Variants in SLC1A2 observed in about 807,000 individuals in gnomAD.
SLC1A2 encodes solute carrier family 1 member 2.
In SLC1A2, 15 loss-of-function variants were observed where a neutral mutation model predicts 48.8. That is an observed-to-expected ratio of 0.31 (90% CI 0.21 to 0.47). The LOEUF (loss-of-function observed/expected upper bound fraction) is 0.47. Among genes scored for constraint, SLC1A2 ranks in the 20% least tolerant of loss-of-function variants. The pLI is 0.99. For missense variants in SLC1A2, 502 were observed against 730.5 expected (o/e 0.69, Z 3.61); for synonymous variants, 279 against 272.6 (o/e 1.02, Z -0.23).
chr11:35,386,317 C>T (rs1351869756), intron 1 of SLC1A2, among the ~76,000 whole-genome samples: 1 of 151,984 alleles, frequency 6.6e-6, no homozygotes. Context: ...ATCTTGTCTT[C>T]TCTCATTCCT....
chr11:35,303,853 T>C (rs1253114575), intron 5 of SLC1A2, among the ~76,000 whole-genome samples: 1 of 152,106 alleles, frequency 6.6e-6, no homozygotes, highest in East Asian at 1.9e-4. Context: ...TCTTCACTTA[T>C]TGCAAGTGCT....
rs1444210182 is a variant in SLC1A2, at chr11:35,343,363, G to A, written c.18-25847C>T. Among the ~76,000 whole-genome samples the A allele has an allele frequency of 8.5e-5, 13 of 152,112 alleles. No homozygotes were observed. In the South Asian group the frequency reaches 1.5e-3, roughly 17 times the overall value. ...CACCCACCAGCACCATGACAGTTCC[G>A]AAACAACCATATTTGGTGTAAAAAT... On this transcript the variant is annotated intron_variant, in intron 1 of 10. Transcript: ENST00000278379.
intron 1 of SLC1A2, among the ~76,000 whole-genome samples, chr11:35,413,016 T>A (rs191862321): frequency 6.6e-6 from 1 of 152,190 alleles, no homozygotes; most frequent in Admixed American, 6.5e-5. Context: ...GATCTTTTTT[T>A]TTACATAGAA....
chr11:35,299,058 A>T (rs2134781993), intron 6 of SLC1A2: 1 of 152,314 alleles, frequency 6.6e-6, no homozygotes, highest in Non-Finnish European at 1.5e-5. Context: ...TATGTTTTAC[A>T]TTTGGATGCG....
intron 6 of SLC1A2, chr11:35,298,271 C>T (rs1301110596): frequency 1.3e-5 from 2 of 152,186 alleles, no homozygotes; most frequent in East Asian, 3.9e-4. Flanking sequence ...GGGTTAGTAC[C>T]TGTACTGTAA....
At position 35,254,899 on chromosome 11, in the gene SLC1A2, A is replaced by T. The variant is rs1174003809; in HGVS notation, c.*5995T>A. 2.3e-6 allele frequency: 1 copy of T among 427,378 alleles called. No individual in the cohort carries two copies. The highest frequency in any genetic ancestry group is 4.6e-6 in the Non-Finnish European group (1 of 216,504). The allele number at this position is 427,378 out of a possible 1,614,324, so 26.5% of individuals were successfully genotyped here. On this transcript the variant is annotated 3_prime_UTR_variant, in exon 11 of 11. Coordinates refer to ENST00000278379, the MANE Select transcript of SLC1A2 (RefSeq NM_004171.4). ...TGAAGCAAGGCTGGACATAGAAAAA[A>T]ACTGATCAGTAGTTATTCAGGATAT...
intron 1 of SLC1A2, chr11:35,360,144 G>A (rs2135124288): frequency 1.0e-6 from 1 of 967,138 alleles, no homozygotes; most frequent in South Asian, 4.8e-5. Context: ...AAAGCTGTCG[G>A]GGGCTTTAAA....
chr11:35,281,649 T>A (rs1425304908), intron 8 of SLC1A2, among the ~76,000 whole-genome samples: 1 of 152,136 alleles, frequency 6.6e-6, no homozygotes, highest in East Asian at 1.9e-4. Context: ...GCTTTCTTTC[T>A]GAAGCATCTC....
chr11:35,416,341 G>A (rs1855602888), intron 1 of SLC1A2, among the ~76,000 whole-genome samples: 1 of 152,204 alleles, frequency 6.6e-6, no homozygotes. Flanking sequence ...GCTTTGCCAA[G>A]TCTTGGAATC....
At chr11:35,264,253 C>G (rs768917819) in intron 10 of SLC1A2, 1 of 152,162 alleles carries the variant, frequency 6.6e-6, no homozygotes, top group African/African-American at 2.4e-5. Flanking sequence ...TGTTACAATC[C>G]AGTAAAGAGA....
chr11:35,296,777 T>A (rs112543981), intron 6 of SLC1A2, among the ~76,000 whole-genome samples: 7 of 152,312 alleles, frequency 4.6e-5, no homozygotes, highest in Admixed American at 3.9e-4. Context: ...AAAGGTCACC[T>A]TTCCAGACAG....
In SLC1A2 at chr11:35,252,865, A is replaced by T. The variant is rs1006081038; in HGVS notation, c.*8029T>A. 6.6e-6 allele frequency: 1 copy of T among 152,650 alleles called. No homozygotes were observed. The highest frequency in any genetic ancestry group is 1.5e-5 in the Non-Finnish European group (1 of 68,040). The allele number at this position is 152,650 out of a possible 1,614,324, so 9.5% of individuals were successfully genotyped here. On this transcript the variant is annotated 3_prime_UTR_variant, in exon 11 of 11. Coordinates refer to ENST00000278379, the MANE Select transcript of SLC1A2 (RefSeq NM_004171.4). ...GGCACTGTTCTTCATGCGTGAACCA[A>T]GTGTCAGTGTGTATACACAAGAGCT... is the stretch of plus-strand genomic sequence containing the variant.
At chr11:35,414,843 G>A (rs536621559) in intron 1 of SLC1A2, among the ~76,000 whole-genome samples, 25 of 152,298 alleles carry the variant, frequency 1.6e-4, no homozygotes, top group African/African-American at 5.3e-4. Context: ...TGTAGCAGGC[G>A]ACTGAAATGA....
chr11:35,381,196 A>G (rs1403688960), intron 1 of SLC1A2, among the ~76,000 whole-genome samples: 1 of 152,058 alleles, frequency 6.6e-6, no homozygotes, highest in African/African-American at 2.4e-5. Flanking sequence ...TTGTCATCAC[A>G]CGGTGATCCA....
At chr11:35,275,785 C>T (rs898504462) in intron 9 of SLC1A2, among the ~76,000 whole-genome samples, 1 of 152,068 alleles carries the variant, frequency 6.6e-6, no homozygotes, top group Non-Finnish European at 1.5e-5. Context: ...GGTGAAGTTT[C>T]CCCCTTTTCT....
intron 1 of SLC1A2, among the ~76,000 whole-genome samples, chr11:35,410,167 G>C (rs1855417302): frequency 6.6e-6 from 1 of 151,910 alleles, no homozygotes; most frequent in African/African-American, 2.4e-5. Flanking sequence ...AAAAAAAATA[G>C]TATGTATTTG....
chr11:35,277,619 G>GA lies in SLC1A2; in HGVS notation c.1421+3247dup, dbSNP rs1258081246. ...TTTAAAGCCTTGGAAATAAGCCCAA[G>GA]AAAAAAATGAGGCAATATTGTCACA... On this transcript the variant is annotated intron_variant, in intron 9 of 10. Coordinates refer to ENST00000278379, the MANE Select transcript of SLC1A2 (RefSeq NM_004171.4). 3.7e-4 allele frequency among the ~76,000 whole-genome samples: 56 copies of GA among 152,122 alleles called. 1 individual carries two copies. Among genetic ancestry groups the GA allele is most frequent in the African/African-American group, 1.3e-3 (55 of 41,502 alleles).
In SLC1A2 at chr11:35,301,590, C is replaced by T. The variant is rs150244908; in HGVS notation, c.786G>A (p.Gln262=). Residue 262 remains glutamine, a synonymous_variant, in exon 6 of 11, where the codon CAG becomes CAA. Transcript: ENST00000278379. ...TGAAGAAATCCACCATCAGCTTGGC[C>T]TGATCTCCCATCTTCCCCATAGCGA... is the stretch of plus-strand genomic sequence containing the variant. ...FGIAMGKMGD[Q]AKLMVDFFNI... is the part of the protein sequence containing the mutation. 56 of 1,613,878 alleles carry T rather than the reference C, an allele frequency of 3.5e-5. No individual in the cohort carries two copies. In the African/African-American group the frequency reaches 7.5e-4, roughly 22 times the overall value.
intron 8 of SLC1A2, chr11:35,285,689 G>T (rs1030732425): frequency 2.0e-5 from 3 of 152,244 alleles, no homozygotes; most frequent in African/African-American, 7.2e-5. Context: ...ATAAGTAATA[G>T]GGAGCAGGGG....
Sources: gnomAD v4.1 joint callset for allele counts (sites outside exome capture counted in the v4.1 genomes callset) on GRCh38, gnomAD v4.1.1 for gene constraint, MANE v1.5 for transcripts, NCBI Gene and HGNC (gene_info 2026-07-23, HGNC 2026-07-21) for gene names.